Variants in KAZN observed in about 807,000 individuals in gnomAD.
KAZN encodes kazrin, periplakin interacting protein.
A neutral mutation model predicts 87.4 loss-of-function variants in KAZN; 40 were observed. The observed-to-expected ratio is 0.46, with a 90% CI of 0.36 to 0.60. The LOEUF is 0.60. KAZN is among the 20% of genes least tolerant of loss of function. The pLI is 0.00. For synonymous variants in KAZN, 466 were observed against 458.3 expected (o/e 1.02, Z -0.22); for missense variants, 898 against 1,073.9 (o/e 0.84, Z 2.29).
At chr1:14,607,270 A>G (rs1345961556) in intron 1 of KAZN, among the ~76,000 whole-genome samples, 2 of 152,220 alleles carry the variant, frequency 1.3e-5, no homozygotes, top group African/African-American at 2.4e-5. Flanking sequence ...AAACCACCTT[A>G]TGAGGTAAGT....
In KAZN at chr1:14,923,903, C is replaced by A. The variant is rs1365030582; in HGVS notation, c.227-36781C>A. ...CGGGGCTCGAGTTCCGTCACAGCCACCCCTGTGACATCGGCCGTCTTTCTG... is the reference window on the plus strand; with the variant it reads ...CGGGGCTCGAGTTCCGTCACAGCCAACCCTGTGACATCGGCCGTCTTTCTG... On this transcript the variant is annotated intron_variant, in intron 1 of 14. Coordinates refer to ENST00000376030, the MANE Select transcript of KAZN (RefSeq NM_201628.3). The surrounding 1 kb of genome is among the most constrained non-coding windows in gnomAD (Gnocchi z 4.2). Among the ~76,000 whole-genome samples, 1 of 152,166 alleles carries A rather than the reference C, an allele frequency of 6.6e-6. No individual in the cohort carries two copies. The highest frequency in any genetic ancestry group is 2.4e-5 in the African/African-American group (1 of 41,452).
chr1:14,840,650 C>A (rs1334801028), intron 1 of KAZN, among the ~76,000 whole-genome samples: 1 of 152,230 alleles, frequency 6.6e-6, no homozygotes, highest in Non-Finnish European at 1.5e-5. Flanking sequence ...CAACACTCAT[C>A]CAGGCAGAAA....
intron 1 of KAZN, among the ~76,000 whole-genome samples, chr1:14,857,598 T>G (rs1391782357): frequency 6.6e-6 from 1 of 152,192 alleles, no homozygotes; most frequent in Non-Finnish European, 1.5e-5. Flanking sequence ...TTGGATACTC[T>G]GAGGCCCAAC....
chr1:14,828,784 C>G (rs1646971218), intron 1 of KAZN, among the ~76,000 whole-genome samples: 1 of 152,168 alleles, frequency 6.6e-6, no homozygotes, highest in South Asian at 2.1e-4. Flanking sequence ...CAGTCTCTTT[C>G]CATCTTTCCA....
At chr1:14,030,330 A>G (rs1641264252) in intron 1 of KAZN, among the ~76,000 whole-genome samples, 1 of 151,402 alleles carries the variant, frequency 6.6e-6, no homozygotes, top group Admixed American at 6.6e-5. Flanking sequence ...TATCGCAAGA[A>G]CAAAAAACCA....
At chr1:14,857,643 T>G (rs12760105) in intron 1 of KAZN, among the ~76,000 whole-genome samples, 1 of 152,084 alleles carries the variant, frequency 6.6e-6, no homozygotes, top group African/African-American at 2.4e-5. Flanking sequence ...CGCTGGCTCA[T>G]TAGAATTTCT....
chr1:14,609,335 T>G (rs1677629313), intron 1 of KAZN, among the ~76,000 whole-genome samples: 1 of 152,194 alleles, frequency 6.6e-6, no homozygotes, highest in Non-Finnish European at 1.5e-5. Context: ...CAGGCAGCCC[T>G]GCTGGAGGAG....
At chr1:14,429,816 C>T (rs1287256923) in intron 2 of KAZN, among the ~76,000 whole-genome samples, 1 of 152,118 alleles carries the variant, frequency 6.6e-6, no homozygotes, top group East Asian at 1.9e-4. Flanking sequence ...GAAATGAGAC[C>T]ACTGAGGTTT....
intron 1 of KAZN, among the ~76,000 whole-genome samples, chr1:13,900,886 A>G (rs538565199): frequency 6.6e-6 from 1 of 152,306 alleles, no homozygotes; most frequent in East Asian, 1.9e-4. Context: ...ATAGTAGATC[A>G]ACATTTGCTG....
intron 1 of KAZN, among the ~76,000 whole-genome samples, chr1:14,764,386 A>ACC (rs55743205): frequency 5.1e-5 from 6 of 117,544 alleles, no homozygotes; most frequent in African/African-American, 1.6e-4. Flanking sequence ...CCTCCCCCAC[A>ACC]CCCCCCCCAC....
intron 1 of KAZN, among the ~76,000 whole-genome samples, chr1:14,722,908 T>C (rs1643192110): frequency 6.6e-6 from 1 of 152,046 alleles, no homozygotes; most frequent in Non-Finnish European, 1.5e-5. Context: ...GGAGGGTCAT[T>C]TGAAGAGTTT....
intron 2 of KAZN, among the ~76,000 whole-genome samples, chr1:14,344,163 CTT>C (rs55837460): frequency 4.1e-5 from 5 of 122,618 alleles, no homozygotes; most frequent in Admixed American, 8.7e-5. Flanking sequence ...TTCATGTATT[CTT>C]TTTTTTTTTT....
chr1:14,156,950 G>T (rs1444867973), intron 1 of KAZN, among the ~76,000 whole-genome samples: 4 of 148,998 alleles, frequency 2.7e-5, no homozygotes, highest in Admixed American at 2.0e-4. Flanking sequence ...TGGTGAAGGT[G>T]ATGTTTCTTT....
intron 1 of KAZN, among the ~76,000 whole-genome samples, chr1:13,913,850 G>T (rs1337959934): frequency 2.0e-5 from 3 of 152,160 alleles, no homozygotes; most frequent in Non-Finnish European, 2.9e-5. Context: ...TATTCAACAA[G>T]GATCACCAGA....
At chr1:13,933,542 GTCCT>G (rs1206581442) in intron 1 of KAZN, among the ~76,000 whole-genome samples, 7 of 152,144 alleles carry the variant, frequency 4.6e-5, no homozygotes, top group Non-Finnish European at 1.0e-4. Context: ...AAAGTCAGTG[GTCCT>G]TCATTCATTG....
intron 2 of KAZN, among the ~76,000 whole-genome samples, chr1:14,572,821 T>C (rs889042116): frequency 6.6e-6 from 1 of 152,238 alleles, no homozygotes; most frequent in East Asian, 1.9e-4. Context: ...GACCCCCTTC[T>C]TGGACTCATT....
chr1:14,387,100 C>A (rs143654059), intron 2 of KAZN, among the ~76,000 whole-genome samples: 6 of 152,088 alleles, frequency 3.9e-5, no homozygotes, highest in African/African-American at 1.2e-4. Context: ...TCCAGTTGAT[C>A]GCATCAGCTC....
intron 1 of KAZN, among the ~76,000 whole-genome samples, chr1:14,173,015 A>T (rs1353070441): frequency 6.6e-6 from 1 of 152,138 alleles, no homozygotes; most frequent in Non-Finnish European, 1.5e-5. Flanking sequence ...AAGACCTCTT[A>T]TGACCTAGCC....
chr1:14,999,979 T>C (rs1668301760), intron 2 of KAZN, among the ~76,000 whole-genome samples: 1 of 152,156 alleles, frequency 6.6e-6, no homozygotes, highest in Non-Finnish European at 1.5e-5. Context: ...AAGATGTCCA[T>C]GATATAATCC....
Sources: allele counts gnomAD v4.1 joint callset (sites outside exome capture counted in the v4.1 genomes callset), GRCh38; gene constraint gnomAD v4.1.1; non-coding constraint Gnocchi (gnomAD v3.1); transcripts MANE v1.5; gene names NCBI Gene and HGNC (gene_info 2026-07-23, HGNC 2026-07-21).